MFSD11: variants seen among roughly 807,000 people sequenced by gnomAD.
MFSD11 encodes the protein major facilitator superfamily domain containing 11, also known as UNC93-like protein MFSD11.
Under a neutral mutation model 53.5 loss-of-function variants are expected in MFSD11, and 36 were observed. The ratio of observed to expected loss-of-function variants is 0.67; its 90% CI spans 0.52 to 0.89. MFSD11 has a LOEUF of 0.89. Among genes scored for constraint, MFSD11 ranks in the 40% least tolerant of loss-of-function variants. The pLI, the probability that MFSD11 is intolerant of heterozygous loss-of-function variation, is 0.00. For synonymous variants in MFSD11, 186 were observed against 184.9 expected (o/e 1.01, Z -0.05); for missense variants, 530 against 543.9 (o/e 0.97, Z 0.25).
At chr17:76,756,952 C>A (rs1289906378) in intron 8 of MFSD11, among the ~76,000 whole-genome samples, 1 of 152,064 alleles carries the variant, frequency 6.6e-6, no homozygotes, top group Admixed American at 6.5e-5. Context: ...GCAATTTAAC[C>A]ATTTTTGATG....
At chr17:76,790,735 G>C in the MFSD11 span, among the ~76,000 whole-genome samples, 2 of 146,306 alleles carry the variant, frequency 1.4e-5, no homozygotes, top group African/African-American at 5.1e-5. Context: ...AGGTCAAGAG[G>C]TCGAAACCAT....
intron 5 of MFSD11, 50 bp downstream of exon 5, chr17:76,742,323 G>A (rs747131084): frequency 6.7e-7 from 1 of 1,490,402 alleles, no homozygotes; most frequent in Non-Finnish European, 9.3e-7. Flanking sequence ...TTTTTTTTCT[G>A]TCATACCATT....
the MFSD11 span, among the ~76,000 whole-genome samples, chr17:76,789,426 T>TA: frequency 1.3e-5 from 2 of 150,112 alleles, no homozygotes; most frequent in Admixed American, 6.7e-5. Context: ...ATTTTTCTCT[T>TA]ACCAGTCAAG....
At chr17:76,782,640 G>A (rs1265200733), downstream of MFSD11, among the ~76,000 whole-genome samples, 20 of 150,726 alleles carry the variant, frequency 1.3e-4, no homozygotes, top group African/African-American at 4.1e-4. Flanking sequence ...CACCATGCCC[G>A]GCTAATTTTT....
In MFSD11 at chr17:76,779,177, C is replaced by G. The variant is rs973601335; in HGVS notation, c.*825C>G. 3 of 147,500 alleles carry G rather than the reference C, an allele frequency of 2.0e-5. No individual in the cohort carries two copies. The highest frequency in any genetic ancestry group is 7.6e-5 in the African/African-American group (3 of 39,380). The allele number at this position is 147,500 out of a possible 1,614,324, so 9.1% of individuals were successfully genotyped here. A position where few individuals can be genotyped will look rare whatever the true frequency, so the allele number is the denominator to read the frequency against. On this transcript the variant is annotated 3_prime_UTR_variant, in exon 13 of 13. Transcript: ENST00000685175. Reference sequence around the variant, plus strand: ...CTGAGGTAAGAGAATTCGCTTGAACCTGGGAGGCGGAGGTTGCAGTGAGCC... The same window carrying G: ...CTGAGGTAAGAGAATTCGCTTGAACGTGGGAGGCGGAGGTTGCAGTGAGCC...
the MFSD11 span, among the ~76,000 whole-genome samples, chr17:76,799,958 T>C: frequency 0.65 from 87,129 of 134,992 alleles, 27,616 homozygotes; most frequent in Middle Eastern, 0.72. Context: ...CTTTTTCCTT[T>C]TTTTTTTTTT....
chr17:76,755,812 A>ATATATATATATATAT (rs1555669398), intron 8 of MFSD11, among the ~76,000 whole-genome samples: 2 of 19,516 alleles, frequency 1.0e-4, no homozygotes. Context: ...ATATATATAT[A>ATATATATATATATAT]TTTTTTTTTT....
At chr17:76,798,065 T>G in the MFSD11 span, among the ~76,000 whole-genome samples, 13 of 151,448 alleles carry the variant, frequency 8.6e-5, no homozygotes, top group African/African-American at 3.2e-4. Flanking sequence ...TTAAATAAAT[T>G]TATGTAGAGA....
intron 7 of MFSD11, among the ~76,000 whole-genome samples, chr17:76,749,513 CAG>C (rs1412120521): frequency 1.6e-5 from 2 of 128,944 alleles, no homozygotes; most frequent in East Asian, 4.5e-4. Context: ...GCCTGGGTGA[CAG>C]GGAGAGAGCC....
chr17:76,802,164 G>A, the MFSD11 span, among the ~76,000 whole-genome samples: 5 of 152,112 alleles, frequency 3.3e-5, no homozygotes, highest in African/African-American at 9.6e-5. Flanking sequence ...CCAGCTTCTC[G>A]GAAGGCTAAA....
chr17:76,781,511 TG>T, downstream of MFSD11: 1 of 152,328 alleles, frequency 6.6e-6, no homozygotes, highest in African/African-American at 2.4e-5. Flanking sequence ...CCTGTCACAC[TG>T]AGACTTACAT....
chr17:76,797,537 G>A, the MFSD11 span, among the ~76,000 whole-genome samples: 1 of 152,066 alleles, frequency 6.6e-6, no homozygotes, highest in African/African-American at 2.4e-5. Context: ...GGTGGGTTTG[G>A]GCTGGCTCTT....
In MFSD11 at chr17:76,778,242, C is replaced by A. The variant is rs760800771; in HGVS notation, c.1240C>A (p.Gln414Lys). The A allele has an allele frequency of 1.1e-5, 17 of 1,614,058 alleles. No homozygotes were observed. In the East Asian group the frequency reaches 1.8e-4, roughly 17 times the overall value. Residue 414 changes from glutamine to lysine, a missense_variant, in exon 13 of 13, where the codon CAA becomes AAA. Transcript: ENST00000685175. ...FYSNYLLLHW[Q>K]LLVMVIFGFF... Reference sequence around the variant, plus strand: ...CAGCAACTACCTTCTCCTTCACTGGCAACTCCTGGTCATGGTGATATTTGG... The same window carrying A: ...CAGCAACTACCTTCTCCTTCACTGGAAACTCCTGGTCATGGTGATATTTGG...
chr17:76,759,515 C>T (rs533151105), intron 8 of MFSD11, among the ~76,000 whole-genome samples: 22 of 151,832 alleles, frequency 1.4e-4, no homozygotes, highest in South Asian at 4.2e-4. Context: ...AGTGCAGTGG[C>T]GCGATCTCAG....
intron 3 of MFSD11, among the ~76,000 whole-genome samples, chr17:76,741,498 G>A (rs1393549061): frequency 6.6e-6 from 1 of 152,162 alleles, no homozygotes; most frequent in African/African-American, 2.4e-5. Flanking sequence ...TATGGGCCAG[G>A]CACAGTGGCT....
intron 8 of MFSD11, among the ~76,000 whole-genome samples, chr17:76,756,456 C>T (rs2079643897): frequency 6.6e-6 from 1 of 152,160 alleles, no homozygotes; most frequent in Non-Finnish European, 1.5e-5. Context: ...AATTGAGCCA[C>T]ACGTGATAAT....
intron 12 of MFSD11, among the ~76,000 whole-genome samples, chr17:76,777,908 G>A (rs1189364597): frequency 6.6e-6 from 1 of 151,992 alleles, no homozygotes; most frequent in Non-Finnish European, 1.5e-5. Context: ...TGAACTCCTG[G>A]GCTCAAGCAT....
In MFSD11 at chr17:76,742,001, C is replaced by T. The variant is rs145443532; in HGVS notation, c.293C>T (p.Pro98Leu). Residue 98 changes from proline to leucine, a missense_variant, in exon 4 of 13, where the codon CCG (proline) becomes CTG (leucine). Physicochemically the swap from Pro to Leu is moderately conservative, Grantham distance 98 (BLOSUM62 -3). Coordinates refer to ENST00000685175, the MANE Select transcript of MFSD11 (RefSeq NM_001242532.5). ...MYIAVFIQPF[P>L]WSFYTASVFI... is the part of the protein sequence containing the mutation. Reference sequence around the variant, plus strand: ...ATTGCCGTTTTCATCCAGCCTTTCCCGTGGTCCTTCTACACAGCCTCTGTT... The same window carrying T: ...ATTGCCGTTTTCATCCAGCCTTTCCTGTGGTCCTTCTACACAGCCTCTGTT... 1.1e-4 allele frequency: 173 copies of T among 1,614,138 alleles called. 1 individual carries two copies. The highest frequency in any genetic ancestry group is 8.2e-4 in the Admixed American group (49 of 60,022).
intron 7 of MFSD11, chr17:76,745,271 A>G (rs2078433827): frequency 6.6e-6 from 1 of 152,238 alleles, no homozygotes; most frequent in Admixed American, 6.5e-5. Context: ...AAAATTGTCC[A>G]GTCATAGGAG....
Sources: gnomAD v4.1 joint callset for allele counts (sites outside exome capture counted in the v4.1 genomes callset) on GRCh38, gnomAD v4.1.1 for gene constraint, MANE v1.5 for transcripts, NCBI Gene and HGNC (gene_info 2026-07-23, HGNC 2026-07-21) for gene names.